SULT1E1: variants seen among roughly 807,000 people sequenced by gnomAD.
The protein encoded by SULT1E1 is sulfotransferase 1E1.
SULT1E1 carries 36 observed loss-of-function variants against 33.6 expected under a neutral mutation model. That is an observed-to-expected ratio of 1.07 (90% CI 0.82 to 1.41). The LOEUF (loss-of-function observed/expected upper bound fraction) is 1.41. SULT1E1 is among the 40% of genes most tolerant of loss of function. SULT1E1 has a pLI of 0.00. For missense variants in SULT1E1, 371 were observed against 345.7 expected (o/e 1.07, Z -0.58); for synonymous variants, 121 against 111.7 (o/e 1.08, Z -0.53).
At chr4:69,855,025 CA>C (rs1438960531) in intron 3 of SULT1E1, among the ~76,000 whole-genome samples, 1 of 151,916 alleles carries the variant, frequency 6.6e-6, no homozygotes, top group Non-Finnish European at 1.5e-5. Context: ...AATATCATCA[CA>C]TTTAGCCCAC....
chr4:69,859,368 T>C (rs1422181559), intron 1 of SULT1E1, among the ~76,000 whole-genome samples: 1 of 152,074 alleles, frequency 6.6e-6, no homozygotes, highest in African/African-American at 2.4e-5. Flanking sequence ...TAGAATACTA[T>C]GGTGGATATA....
chr4:69,848,249 G>T (rs1045390815), intron 5 of SULT1E1, among the ~76,000 whole-genome samples: 1 of 151,622 alleles, frequency 6.6e-6, no homozygotes, highest in African/African-American at 2.4e-5. Context: ...GTAACTATAT[G>T]AGTATTTATT....
intron 7 of SULT1E1, among the ~76,000 whole-genome samples, chr4:69,843,431 GT>G (rs1195473887): frequency 2.6e-5 from 4 of 152,046 alleles, no homozygotes; most frequent in Non-Finnish European, 2.9e-5. Context: ...GTTCTGTTTT[GT>G]TTTTTTCCCC....
the SULT1E1 span, among the ~76,000 whole-genome samples, chr4:69,825,209 G>A: frequency 2.6e-5 from 4 of 152,060 alleles, no homozygotes; most frequent in Admixed American, 2.0e-4. Flanking sequence ...CACTGCGCAG[G>A]TCTCTGGCTT....
At chr4:69,829,846 C>T in the SULT1E1 span, among the ~76,000 whole-genome samples, 1 of 152,150 alleles carries the variant, frequency 6.6e-6, no homozygotes, top group Non-Finnish European at 1.5e-5. Context: ...CCAGTATCTA[C>T]CATAAAGTCC....
Position 69,849,521 on chromosome 4 carries a change from A to T in SULT1E1, c.412T>A (p.Phe138Ile). 1 of 1,611,364 alleles carries T rather than the reference A, an allele frequency of 6.2e-7. No individual in the cohort carries two copies. Among genetic ancestry groups the T allele is most frequent in the Non-Finnish European group, 8.5e-7 (1 of 1,178,178 alleles). ...GCCACCATTAGAAAGAAATAATAAA[A>T]GGAAACAGCCACATCCTTTGCATTC... ...CRNAKDVAVS[F>I]YYFFLMVAGH... The change falls in exon 5 of 8, where the codon TTT (phenylalanine) becomes ATT (isoleucine). Residue 138 changes from phenylalanine (F) to isoleucine (I), a missense_variant. Physicochemically the swap from Phe to Ile is conservative, Grantham distance 21 (BLOSUM62 0). Coordinates refer to ENST00000226444, the MANE Select transcript of SULT1E1 (RefSeq NM_005420.3).
chr4:69,843,472 C>G (rs1162900077), intron 7 of SULT1E1, among the ~76,000 whole-genome samples: 1 of 152,072 alleles, frequency 6.6e-6, no homozygotes, highest in Non-Finnish European at 1.5e-5. Flanking sequence ...TACAAATTCC[C>G]TGACTCTCAC....
chr4:69,836,413 T>C (rs957138769), downstream of SULT1E1, among the ~76,000 whole-genome samples: 2 of 152,232 alleles, frequency 1.3e-5, no homozygotes, highest in Admixed American at 1.3e-4. Flanking sequence ...ATACACCTTG[T>C]CCTTTTGTAT....
chr4:69,844,682 T>A (rs1427984925), intron 6 of SULT1E1, among the ~76,000 whole-genome samples: 1 of 152,042 alleles, frequency 6.6e-6, no homozygotes, highest in African/African-American at 2.4e-5. Flanking sequence ...AAAATCAAGT[T>A]TGGGGGATAA....
chr4:69,833,787 T>C, the SULT1E1 span, among the ~76,000 whole-genome samples: 68 of 152,316 alleles, frequency 4.5e-4, no homozygotes, highest in African/African-American at 1.6e-3. Flanking sequence ...TTCCTCCCTT[T>C]CATGGCACTA....
chr4:69,823,984 G>A, the SULT1E1 span, among the ~76,000 whole-genome samples: 1 of 152,210 alleles, frequency 6.6e-6, no homozygotes, highest in Non-Finnish European at 1.5e-5. Flanking sequence ...ACACGGCAAT[G>A]AAGGGCACTT....
At chr4:69,847,303 T>C (rs559010563) in intron 6 of SULT1E1, among the ~76,000 whole-genome samples, 243 of 151,834 alleles carry the variant, frequency 1.6e-3, no homozygotes, top group Non-Finnish European at 2.8e-3. Flanking sequence ...TTAAACATAT[T>C]AAGCATGGTT....
chr4:69,846,664 GCATGTTTGCCTTTGCTAGATAATGA>G (rs994375279), intron 6 of SULT1E1, among the ~76,000 whole-genome samples: 1 of 151,624 alleles, frequency 6.6e-6, no homozygotes, highest in African/African-American at 2.4e-5. Flanking sequence ...TAAACTATGT[GCATGTTTGCCTTTGCTAGATAATGA>G]CAAGTTGTTT....
intron 5 of SULT1E1, 131 bp from the exon 6 acceptor site, chr4:69,847,923 T>G: frequency 1.1e-5 from 5 of 456,936 alleles, no homozygotes; most frequent in Non-Finnish European, 1.5e-5. Flanking sequence ...ATCAGCTGTA[T>G]ATCTTAAGCA....
chr4:69,841,024 C>A (rs577544341), downstream of SULT1E1, among the ~76,000 whole-genome samples: 9 of 151,932 alleles, frequency 5.9e-5, no homozygotes, highest in Admixed American at 5.2e-4. Context: ...TGCACTGCAG[C>A]CTGGGAGACA....
downstream of SULT1E1, among the ~76,000 whole-genome samples, chr4:69,836,904 T>C (rs1181023162): frequency 6.6e-6 from 1 of 152,200 alleles, no homozygotes; most frequent in Non-Finnish European, 1.5e-5. Context: ...AAAAGTTTTC[T>C]ATTTTGTAAA....
At position 69,852,390 on chromosome 4, in the gene SULT1E1, A is replaced by T. The variant is rs1721142937; in HGVS notation, c.369+1827T>A. ...TTCAGACTTTTGTAACCACTTTTGT[A>T]ACCAAATACTGAATCTTGCCTTCAC... On this transcript the variant is annotated intron_variant, in intron 4 of 7. Transcript: ENST00000226444. Among the ~76,000 whole-genome samples, 3 of 152,196 alleles carry T rather than the reference A, an allele frequency of 2.0e-5. No homozygotes were observed. The South Asian group carries it at 6.2e-4, about 31-fold the overall frequency.
chr4:69,859,336 T>C (rs1721317843), intron 1 of SULT1E1, among the ~76,000 whole-genome samples: 1 of 152,160 alleles, frequency 6.6e-6, no homozygotes, highest in East Asian at 1.9e-4. Flanking sequence ...CCTACCCTTT[T>C]CCTAGGCCCT....
chr4:69,844,043 C>A (rs1720929328), intron 7 of SULT1E1, 118 bp downstream of exon 7: 6 of 849,240 alleles, frequency 7.1e-6, no homozygotes, highest in Non-Finnish European at 1.2e-5. Flanking sequence ...ATATGAAAGA[C>A]TGCTGAAGAA....
Sources: allele counts gnomAD v4.1 joint callset (sites outside exome capture counted in the v4.1 genomes callset), GRCh38; gene constraint gnomAD v4.1.1; transcripts MANE v1.5; gene names NCBI Gene and HGNC (gene_info 2026-07-23, HGNC 2026-07-21).